HIVEP1: variants seen among roughly 807,000 people sequenced by gnomAD.
HIVEP1 encodes HIVEP zinc finger 1.
HIVEP1 carries 36 observed loss-of-function variants against 180.0 expected under a neutral mutation model. The ratio of observed to expected loss-of-function variants is 0.20; its 90% CI spans 0.15 to 0.26. The LOEUF (loss-of-function observed/expected upper bound fraction) is 0.26, where lower values mean the gene tolerates loss of function less well. Ranked by LOEUF, HIVEP1 falls within the 10% of genes least tolerant of loss-of-function variation. HIVEP1 has a pLI of 1.00. For synonymous variants in HIVEP1, 1,239 were observed against 1,239.0 expected (o/e 1.00, Z 0.00); for missense variants, 3,143 against 3,268.7 (o/e 0.96, Z 0.94).
At chr6:12,079,822 C>A (rs1247380548) in intron 2 of HIVEP1, among the ~76,000 whole-genome samples, 2 of 152,106 alleles carry the variant, frequency 1.3e-5, no homozygotes, top group East Asian at 1.9e-4. Context: ...AAATTTGATT[C>A]TTGTCCATGG....
chr6:12,139,905 G>A (rs951170418), intron 7 of HIVEP1, among the ~76,000 whole-genome samples: 4 of 152,250 alleles, frequency 2.6e-5, no homozygotes, highest in African/African-American at 9.6e-5. Flanking sequence ...ACCTCTGGGG[G>A]CAGGGCATAG....
intron 6 of HIVEP1, among the ~76,000 whole-genome samples, 192 bp from the exon 7 acceptor site, chr6:12,135,599 A>T (rs1307378874): frequency 6.6e-6 from 1 of 152,234 alleles, no homozygotes; most frequent in Non-Finnish European, 1.5e-5. Context: ...TTAAAAAGAA[A>T]ATATAAACTG....
At chr6:12,169,130 G>A (rs575190361), downstream of HIVEP1, among the ~76,000 whole-genome samples, 2 of 152,204 alleles carry the variant, frequency 1.3e-5, no homozygotes, top group African/African-American at 4.8e-5. Context: ...CAAGTGATCC[G>A]CCTGCCTCGG....
rs1760526392 is a variant in HIVEP1 at position 12,163,367 on chromosome 6, C to T, written c.7063C>T (p.His2355Tyr). 5.6e-6 allele frequency: 9 copies of T among 1,614,088 alleles called. No homozygotes were observed. In the South Asian group the frequency reaches 9.9e-5, roughly 18 times the overall value. The change falls in exon 9 of 9, where the codon CAT becomes TAT. Residue 2355 changes from histidine (H) to tyrosine (Y), a missense_variant. Transcript: ENST00000379388. ...AAGMPSVASP[H>Y]PDPQEQKQQI... ...GGGGATGCCTTCTGTGGCCTCACCA[C>T]ATCCTGACCCTCAAGAACAGAAGCA...
At chr6:12,165,478 G>A (rs1760678272), downstream of HIVEP1, among the ~76,000 whole-genome samples, 1 of 152,168 alleles carries the variant, frequency 6.6e-6, no homozygotes, top group Non-Finnish European at 1.5e-5. Flanking sequence ...GAACTACAGA[G>A]TGTCCAAGAT....
At chr6:12,047,270 G>A (rs535297880) in intron 2 of HIVEP1, among the ~76,000 whole-genome samples, 7 of 152,310 alleles carry the variant, frequency 4.6e-5, no homozygotes, top group East Asian at 1.9e-4. Flanking sequence ...GTCTTGTAAC[G>A]TTTTGGGACC....
intron 2 of HIVEP1, among the ~76,000 whole-genome samples, chr6:12,082,388 TG>T (rs1261048400): frequency 6.6e-6 from 1 of 152,170 alleles, no homozygotes; most frequent in Non-Finnish European, 1.5e-5. Flanking sequence ...ATTCAGTTTT[TG>T]TCTGTCATGA....
chr6:12,090,609 G>A (rs1773405465), intron 3 of HIVEP1, among the ~76,000 whole-genome samples: 1 of 150,984 alleles, frequency 6.6e-6, no homozygotes, highest in African/African-American at 2.5e-5. Flanking sequence ...AAGCATAGAA[G>A]AGTAAAGATG....
chr6:12,128,208 G>T (rs761602037), intron 4 of HIVEP1, among the ~76,000 whole-genome samples: 35 of 152,234 alleles, frequency 2.3e-4, no homozygotes, highest in Non-Finnish European at 4.3e-4. Flanking sequence ...TCAAAGGAAG[G>T]TGTGTGCATA....
chr6:12,097,530 CT>C, intron 3 of HIVEP1, among the ~76,000 whole-genome samples: 1 of 151,972 alleles, frequency 6.6e-6, no homozygotes, highest in Admixed American at 6.6e-5. Context: ...AAGTCATCTC[CT>C]TTTTTTACTA....
Position 12,122,971 on chromosome 6 carries a change from A to G in HIVEP1, c.3176A>G (p.Gln1059Arg). The stretch of plus-strand genomic sequence containing the variant: ...TCTCCAAAAAGTTCTGAAGGCCTTC[A>G]GTTTCAGAATGCTCTGGGCTGTAAT... ...GTSPKSSEGLQFQNALGCNPS... is the reference protein window; with the variant it reads ...GTSPKSSEGLRFQNALGCNPS... Residue 1059 changes from glutamine to arginine, a missense_variant, in exon 4 of 9, where the codon CAG becomes CGG. Gln to Arg is a conservative substitution (Grantham distance 43). Transcript: ENST00000379388. 33 of 1,614,012 alleles carry G rather than the reference A, an allele frequency of 2.0e-5. No individual in the cohort carries two copies. Among genetic ancestry groups the G allele is most frequent in the Non-Finnish European group, 2.7e-5 (32 of 1,179,934 alleles).
rs115149732 is a variant in HIVEP1 at position 12,153,051 on chromosome 6, A to G, written c.6488-8388A>G. Among the ~76,000 whole-genome samples, 320 of 152,386 alleles carry G rather than the reference A, an allele frequency of 2.1e-3. 1 individual carries two copies. The highest frequency in any genetic ancestry group is 7.1e-3 in the African/African-American group (294 of 41,596). On this transcript the variant is annotated intron_variant, in intron 7 of 8. Transcript: ENST00000379388. ...CTTAACAATTTAAAATATTTATAAT[A>G]TAACTGATTCTTAAACTTTTATATA...
chr6:12,072,523 G>T (rs1193984850), intron 2 of HIVEP1, among the ~76,000 whole-genome samples: 2 of 152,042 alleles, frequency 1.3e-5, no homozygotes, highest in Admixed American at 1.3e-4. Context: ...GGATCTGCAG[G>T]CTGATATTTT....
chr6:12,138,134 T>C (rs995462842), intron 7 of HIVEP1, among the ~76,000 whole-genome samples: 2 of 152,222 alleles, frequency 1.3e-5, no homozygotes, highest in Non-Finnish European at 2.9e-5. Context: ...TATCTATGAA[T>C]AGTATGTGAT....
chr6:12,087,767 T>C (rs1773202356), intron 2 of HIVEP1, among the ~76,000 whole-genome samples: 1 of 152,128 alleles, frequency 6.6e-6, no homozygotes, highest in Admixed American at 6.6e-5. Context: ...CTATTTCAAC[T>C]TCACTCATCG....
rs1239184437 is a variant in HIVEP1, at chr6:12,124,530, C to T, written c.4735C>T (p.His1579Tyr). ...SGPSCSSNPVHSLPNQVISDP... is the reference protein window; with the variant it reads ...SGPSCSSNPVYSLPNQVISDP... ...CCCATCTTGCTCTTCTAATCCTGTG[C>T]ATTCTTTGCCAAATCAAGTTATTTC... The change falls in exon 4 of 9, where the codon CAT becomes TAT. Residue 1579 changes from histidine (H) to tyrosine (Y), a missense_variant. This residue lies in a region of HIVEP1 where 1,357 missense variants were observed against 1,260.5 expected (regional missense o/e 1.08). Coordinates refer to ENST00000379388, the MANE Select transcript of HIVEP1 (RefSeq NM_002114.4). 1 of 1,614,120 alleles carries T rather than the reference C, an allele frequency of 6.2e-7. No individual in the cohort carries two copies. The highest frequency in any genetic ancestry group is 1.3e-5 in the African/African-American group (1 of 75,050).
chr6:12,028,547 T>TTA (rs1180501409), intron 2 of HIVEP1, among the ~76,000 whole-genome samples: 1 of 152,218 alleles, frequency 6.6e-6, no homozygotes, highest in African/African-American at 2.4e-5. Flanking sequence ...GTGTGATGAG[T>TTA]TATATATTCA....
Position 12,063,963 on chromosome 6 carries a change from G to A in HIVEP1, c.41-25221G>A, listed in dbSNP as rs989524114. On this transcript the variant is annotated intron_variant, in intron 2 of 8. Coordinates refer to ENST00000379388, the MANE Select transcript of HIVEP1 (RefSeq NM_002114.4). The surrounding 1 kb of genome is among the most constrained non-coding windows in gnomAD (Gnocchi z 4.2). ...ATTTGCCTTGGTTTGAAGATTAGGT[G>A]TGATCTTGGAAAATGAGAGACCTCA... Among the ~76,000 whole-genome samples the A allele has an allele frequency of 6.6e-6, 1 of 152,180 alleles. No individual in the cohort carries two copies. Among genetic ancestry groups the A allele is most frequent in the African/African-American group, 2.4e-5 (1 of 41,452 alleles).
intron 4 of HIVEP1, among the ~76,000 whole-genome samples, chr6:12,127,892 T>A (rs1226242287): frequency 2.0e-5 from 3 of 152,320 alleles, no homozygotes; most frequent in Admixed American, 6.5e-5. Flanking sequence ...GAGTTGAGTC[T>A]ATGAGCAAGT....
Sources: gnomAD v4.1 joint callset for allele counts (sites outside exome capture counted in the v4.1 genomes callset) on GRCh38, gnomAD v4.1.1 for gene constraint, gnomAD v4.1.1 regional missense constraint, Gnocchi (gnomAD v3.1) non-coding constraint, MANE v1.5 for transcripts, NCBI Gene and HGNC (gene_info 2026-07-23, HGNC 2026-07-21) for gene names.